Variants in EDEM1 observed in about 807,000 individuals in gnomAD.
The protein encoded by EDEM1 is ER degradation enhancing alpha-mannosidase like protein 1.
Under a neutral mutation model 74.4 loss-of-function variants are expected in EDEM1, and 67 were observed. The observed-to-expected ratio is 0.90, with a 90% CI of 0.74 to 1.10. EDEM1 has a LOEUF of 1.10. Ranked by LOEUF, EDEM1 falls within the 50% of genes least tolerant of loss-of-function variation. The pLI is 0.00. For synonymous variants in EDEM1, 382 were observed against 335.9 expected (o/e 1.14, Z -1.50); for missense variants, 926 against 851.6 (o/e 1.09, Z -1.09).
chr3:5,192,147 T>G (rs2054909600), intron 1 of EDEM1, among the ~76,000 whole-genome samples: 1 of 152,086 alleles, frequency 6.6e-6, no homozygotes, highest in Non-Finnish European at 1.5e-5. Context: ...ATGATTTTCC[T>G]TTATTTGCTC....
At chr3:5,210,287 TTTTAA>T (rs756960288) in intron 9 of EDEM1, 39 bp downstream of exon 9, 21 of 1,549,502 alleles carry the variant, frequency 1.4e-5, no homozygotes, top group Non-Finnish European at 1.9e-5. Flanking sequence ...TGTCAGCCAC[TTTTAA>T]TTTATTTCAA....
rs185240405 is a variant in EDEM1 at position 5,217,597 on chromosome 3, C to T, written c.*1679C>T. The T allele has an allele frequency of 6.6e-5, 10 of 152,586 alleles. No individual in the cohort carries two copies. Among genetic ancestry groups the T allele is most frequent in the East Asian group, 5.8e-4 (3 of 5,184 alleles). The allele number at this position is 152,586 out of a possible 1,614,324, so 9.5% of individuals were successfully genotyped here. A position where few individuals can be genotyped will look rare whatever the true frequency, so the allele number is the denominator to read the frequency against. On this transcript the variant is annotated 3_prime_UTR_variant, in exon 12 of 12. Transcript: ENST00000256497. ...TGAAAAGAGTATTTTCAGTAATAAA[C>T]GTGCCATCTCTATCTCTTAAACATT...
chr3:5,196,103 C>T (rs890354843), intron 2 of EDEM1, among the ~76,000 whole-genome samples: 5 of 152,146 alleles, frequency 3.3e-5, no homozygotes, highest in African/African-American at 1.2e-4. Flanking sequence ...AAATGTTGTA[C>T]TTTTATTTAT....
intron 10 of EDEM1, 134 bp from the exon 11 acceptor site, chr3:5,213,184 CT>C (rs2055188267): frequency 2.3e-6 from 2 of 862,552 alleles, no homozygotes; most frequent in East Asian, 2.7e-5. Flanking sequence ...CAGTCAATTC[CT>C]TTTCACCCAG....
At chr3:5,188,378 G>A (rs2054856021) in intron 1 of EDEM1, 64 bp downstream of exon 1, 3 of 1,349,990 alleles carry the variant, frequency 2.2e-6, no homozygotes, top group East Asian at 3.1e-5. Flanking sequence ...CCGCGCCGGG[G>A]TGCAGCCCTC....
At chr3:5,208,310 A>G in intron 8 of EDEM1, 47 bp downstream of exon 8, 1 of 1,577,642 alleles carries the variant, frequency 6.3e-7, no homozygotes, top group Non-Finnish European at 8.6e-7. Flanking sequence ...GCCTCCCCTG[A>G]CCCCAGCAGT....
intron 2 of EDEM1, among the ~76,000 whole-genome samples, chr3:5,197,513 C>T (rs2054983912): frequency 1.3e-5 from 2 of 152,198 alleles, no homozygotes; most frequent in Non-Finnish European, 1.5e-5. Flanking sequence ...CTTCCTTCAC[C>T]TTCCTCACTT....
intron 10 of EDEM1, 126 bp from the exon 11 acceptor site, chr3:5,213,193 C>T: frequency 3.3e-6 from 3 of 904,478 alleles, no homozygotes; most frequent in South Asian, 1.8e-5. Context: ...CCTTTTCACC[C>T]AGTTGTCACT....
chr3:5,193,631 C>T (rs1021976112), intron 1 of EDEM1, among the ~76,000 whole-genome samples: 1 of 151,256 alleles, frequency 6.6e-6, no homozygotes, highest in Non-Finnish European at 1.5e-5. Context: ...GAGTTTCGCT[C>T]TTGTTGCCCA....
Position 5,207,146 on chromosome 3 carries a change from T to C in EDEM1, c.1218-7T>C, listed in dbSNP as rs368778750. 6.2e-7 allele frequency: 1 copy of C among 1,613,718 alleles called. No individual in the cohort carries two copies. The highest frequency in any genetic ancestry group is 8.5e-7 in the Non-Finnish European group (1 of 1,179,938). Reference sequence around the variant, plus strand: ...TTCACCACTGAATGTGCTGCTTGGGTTTGCAGGCGGGAAGCCTGCAATGAA... The same window carrying C: ...TTCACCACTGAATGTGCTGCTTGGGCTTGCAGGCGGGAAGCCTGCAATGAA... On this transcript the variant is annotated splice_polypyrimidine_tract_variant and splice_region_variant and intron_variant, in intron 6 of 11. Transcript: ENST00000256497.
intron 2 of EDEM1, among the ~76,000 whole-genome samples, chr3:5,197,881 G>A (rs1475757275): frequency 6.6e-6 from 1 of 152,114 alleles, no homozygotes; most frequent in East Asian, 1.9e-4. Context: ...ATGTAGTTAG[G>A]CACAGCTTGG....
At chr3:5,195,799 T>A (rs1399880946) in intron 2 of EDEM1, among the ~76,000 whole-genome samples, 1 of 152,258 alleles carries the variant, frequency 6.6e-6, no homozygotes, top group Non-Finnish European at 1.5e-5. Context: ...CCAACGTGGG[T>A]GCTGGCATTA....
At position 5,218,685 on chromosome 3, in the gene EDEM1, C is replaced by A. The variant is rs926136148; in HGVS notation, c.*2767C>A. The A allele has an allele frequency of 1.2e-4, 18 of 152,140 alleles. No homozygotes were observed. The highest frequency in any genetic ancestry group is 4.3e-4 in the African/African-American group (18 of 41,402). The allele number at this position is 152,140 out of a possible 1,614,324, so 9.4% of individuals were successfully genotyped here. On this transcript the variant is annotated 3_prime_UTR_variant, in exon 12 of 12. Transcript: ENST00000256497. Reference sequence around the variant, plus strand: ...AGTTGGCTTGACAAAGCATAATTCTCTCATAACAAACTTTCAAATCATTAC... The same window carrying A: ...AGTTGGCTTGACAAAGCATAATTCTATCATAACAAACTTTCAAATCATTAC...
chr3:5,204,158 C>G (rs190337616), intron 5 of EDEM1, among the ~76,000 whole-genome samples: 44 of 152,294 alleles, frequency 2.9e-4, no homozygotes, highest in African/African-American at 1.1e-3. Flanking sequence ...AAATAGTTGA[C>G]CAGTGTCACT....
chr3:5,197,993 G>C (rs2054990154), intron 2 of EDEM1, among the ~76,000 whole-genome samples: 1 of 152,100 alleles, frequency 6.6e-6, no homozygotes, highest in African/African-American at 2.4e-5. Context: ...TGGGGGTGGG[G>C]TGAGGGGGCA....
intron 1 of EDEM1, 82 bp downstream of exon 1, chr3:5,188,396 CG>C (rs2054856430): frequency 7.7e-6 from 10 of 1,305,472 alleles, no homozygotes; most frequent in Non-Finnish European, 8.8e-6. Context: ...CTCTGTCCTC[CG>C]GGGCCCCCGA....
chr3:5,188,351 G>T, intron 1 of EDEM1, 37 bp downstream of exon 1: 6 of 1,381,040 alleles, frequency 4.3e-6, no homozygotes, highest in East Asian at 3.1e-5. Flanking sequence ...GCGCGCCCAC[G>T]CGCTTCCTTC....
At chr3:5,202,931 G>A (rs1410655946) in intron 4 of EDEM1, 35 bp from the exon 5 acceptor site, 1 of 1,598,770 alleles carries the variant, frequency 6.3e-7, no homozygotes, top group Non-Finnish European at 8.5e-7. Context: ...GATTCCTTGA[G>A]TTTTGTCACA....
intron 5 of EDEM1, among the ~76,000 whole-genome samples, chr3:5,204,557 A>T (rs1359284457): frequency 2.0e-5 from 3 of 151,698 alleles, no homozygotes; most frequent in African/African-American, 7.3e-5. Flanking sequence ...CACCCAGCAA[A>T]TTTTTTGTAT....
Sources: allele counts gnomAD v4.1 joint callset (sites outside exome capture counted in the v4.1 genomes callset), GRCh38; gene constraint gnomAD v4.1.1; transcripts MANE v1.5; gene names NCBI Gene and HGNC (gene_info 2026-07-23, HGNC 2026-07-21).